BCAS3: variants seen among roughly 807,000 people sequenced by gnomAD.
BCAS3 encodes the protein BCAS4/BCAS3 fusion.
In BCAS3, 53 loss-of-function variants were observed where a neutral mutation model predicts 116.1. The ratio of observed to expected loss-of-function variants is 0.46; its 90% CI spans 0.37 to 0.57. BCAS3 has a LOEUF of 0.57. BCAS3 is among the 20% of genes least tolerant of loss of function. BCAS3 has a pLI of 0.00. For synonymous variants in BCAS3, 391 were observed against 408.2 expected (o/e 0.96, Z 0.51); for missense variants, 917 against 1,165.4 (o/e 0.79, Z 3.10).
intron 13 of BCAS3, among the ~76,000 whole-genome samples, chr17:60,929,523 T>C (rs1017119433): frequency 6.6e-6 from 1 of 152,170 alleles, no homozygotes; most frequent in African/African-American, 2.4e-5. Context: ...ATTGACGTTT[T>C]ATAAAAAGAT....
intron 12 of BCAS3, among the ~76,000 whole-genome samples, 178 bp from the exon 13 acceptor site, chr17:60,924,229 T>C (rs1397484526): frequency 1.3e-5 from 2 of 152,214 alleles, no homozygotes; most frequent in African/African-American, 4.8e-5. Flanking sequence ...CGTGGGGGCA[T>C]GTTATATCTC....
At chr17:61,317,421 G>A (rs903623682) in intron 22 of BCAS3, among the ~76,000 whole-genome samples, 1 of 152,184 alleles carries the variant, frequency 6.6e-6, no homozygotes, top group African/African-American at 2.4e-5. Flanking sequence ...TGGGAAACAA[G>A]CCTTTCCCAC....
At chr17:60,690,408 A>G (rs2143855705) in intron 4 of BCAS3, among the ~76,000 whole-genome samples, 1 of 152,060 alleles carries the variant, frequency 6.6e-6, no homozygotes, top group Non-Finnish European at 1.5e-5. Flanking sequence ...TGTCTCTACA[A>G]AAACTTAAAA....
chr17:61,203,972 C>T lies in BCAS3; in HGVS notation c.2425+119408C>T, dbSNP rs2080984112. On this transcript the variant is annotated intron_variant, in intron 22 of 23. Transcript: ENST00000407086. This position sits in a 1 kb window ranked among gnomAD's most constrained non-coding sequence, Gnocchi z 5.7. ...AAGCTGGGAGGCAGTGCCCGGCCCC[C>T]TTCTTTCACAGCTGGGGTTTTGGCA... Among the ~76,000 whole-genome samples, 1 of 152,190 alleles carries T rather than the reference C, an allele frequency of 6.6e-6. No homozygotes were observed. The highest frequency in any genetic ancestry group is 6.5e-5 in the Admixed American group (1 of 15,286).
Position 61,248,890 on chromosome 17 carries a change from T to C in BCAS3, c.2426-119437T>C, listed in dbSNP as rs2048168010. Among the ~76,000 whole-genome samples the C allele has an allele frequency of 6.6e-6, 1 of 152,242 alleles. No homozygotes were observed. Reference sequence around the variant, plus strand: ...GAAGTAGTATACTGTCAAATACTTATAAAACTTCCTTCTTCTTTGCTCTTA... The same window carrying C: ...GAAGTAGTATACTGTCAAATACTTACAAAACTTCCTTCTTCTTTGCTCTTA... On this transcript the variant is annotated intron_variant, in intron 22 of 23. Transcript: ENST00000407086. The surrounding 1 kb of genome is among the most constrained non-coding windows in gnomAD (Gnocchi z 4.3).
At chr17:61,232,111 A>G (rs541450991) in intron 22 of BCAS3, among the ~76,000 whole-genome samples, 1 of 144,444 alleles carries the variant, frequency 6.9e-6, no homozygotes, top group South Asian at 2.4e-4. Context: ...AGACTGAGGC[A>G]GGAGAATGGC....
chr17:60,849,770 CTTCT>C (rs965767017), intron 7 of BCAS3, among the ~76,000 whole-genome samples: 7 of 152,020 alleles, frequency 4.6e-5, no homozygotes, highest in Admixed American at 2.0e-4. Context: ...CCTCCTGTTC[CTTCT>C]TTCTTCTTGA....
At chr17:61,116,565 T>A (rs949648330) in intron 22 of BCAS3, among the ~76,000 whole-genome samples, 1 of 152,210 alleles carries the variant, frequency 6.6e-6, no homozygotes, top group African/African-American at 2.4e-5. Flanking sequence ...TATTTAACCA[T>A]GTTTTTGCTT....
In BCAS3 at chr17:61,226,785, C is replaced by T. The variant is rs1413069657; in HGVS notation, c.2426-141542C>T. ...CATGGGATATCTCATTTAATCCTCA[C>T]AGCAGCCATATGAGATTGCTGTTAC... On this transcript the variant is annotated intron_variant, in intron 22 of 23. Transcript: ENST00000407086. The surrounding 1 kb of genome is among the most constrained non-coding windows in gnomAD (Gnocchi z 6.0). 2.0e-5 allele frequency among the ~76,000 whole-genome samples: 3 copies of T among 152,202 alleles called. No homozygotes were observed. Among genetic ancestry groups the T allele is most frequent in the Non-Finnish European group, 4.4e-5 (3 of 68,044 alleles).
At chr17:60,743,349 A>G (rs1330066044) in intron 5 of BCAS3, among the ~76,000 whole-genome samples, 1 of 152,146 alleles carries the variant, frequency 6.6e-6, no homozygotes, top group Non-Finnish European at 1.5e-5. Context: ...AGTTGGGATT[A>G]TGACTGAAAA....
chr17:60,723,378 C>G (rs1479493642), intron 5 of BCAS3, among the ~76,000 whole-genome samples: 1 of 152,106 alleles, frequency 6.6e-6, no homozygotes, highest in African/African-American at 2.4e-5. Context: ...GCATGCACCA[C>G]CATGCCAAGG....
chr17:60,864,562 T>C (rs1269193338), intron 7 of BCAS3, among the ~76,000 whole-genome samples: 1 of 152,260 alleles, frequency 6.6e-6, no homozygotes, highest in African/African-American at 2.4e-5. Context: ...GTGTTTAGTT[T>C]AGTCTTCTAT....
intron 7 of BCAS3, among the ~76,000 whole-genome samples, chr17:60,853,941 T>C (rs1359340857): frequency 6.6e-6 from 1 of 152,184 alleles, no homozygotes; most frequent in Non-Finnish European, 1.5e-5. Flanking sequence ...AGGGTACATG[T>C]GCACAATGTG....
chr17:61,271,437 T>TTTTTTTTTTTTTTTTTTTG lies in BCAS3; in HGVS notation c.2426-96890_2426-96889insTTTTTTTTTTTTTTTTTTG, dbSNP rs2050251666. Among the ~76,000 whole-genome samples, 2 of 136,110 alleles carry TTTTTTTTTTTTTTTTTTTG rather than the reference T, an allele frequency of 1.5e-5. 1 individual carries two copies. The highest frequency in any genetic ancestry group is 5.1e-4 in the South Asian group (2 of 3,924). 89.3% of individuals were successfully genotyped at this position (136,110 alleles called of 152,430 possible). On this transcript the variant is annotated intron_variant, in intron 22 of 23. Coordinates refer to ENST00000407086, the MANE Select transcript of BCAS3 (RefSeq NM_017679.5). The stretch of plus-strand genomic sequence containing the variant: ...CACCATGCCCGGATTTTTTTTTTTT[T>TTTTTTTTTTTTTTTTTTTG]GTCTTAGGTGGAGTCTCGCTCTGTT...
intron 4 of BCAS3, among the ~76,000 whole-genome samples, chr17:60,706,443 A>G (rs1335142695): frequency 6.6e-6 from 1 of 151,304 alleles, no homozygotes; most frequent in African/African-American, 2.5e-5. Context: ...CAGTATATAA[A>G]ACATATACAA....
rs1033098088 is a variant in BCAS3 at position 61,136,654 on chromosome 17, G to A, written c.2425+52090G>A. Among the ~76,000 whole-genome samples the A allele has an allele frequency of 1.3e-5, 2 of 152,186 alleles. No homozygotes were observed. Among genetic ancestry groups the A allele is most frequent in the Non-Finnish European group, 2.9e-5 (2 of 68,018 alleles). ...AGCTCACTGCAACCTCTGCCTCCCA[G>A]GTTCAAGCAATTCTTATACCTCAGC... On this transcript the variant is annotated intron_variant, in intron 22 of 23. Coordinates refer to ENST00000407086, the MANE Select transcript of BCAS3 (RefSeq NM_017679.5). This position sits in a 1 kb window ranked among gnomAD's most constrained non-coding sequence, Gnocchi z 4.4.
In BCAS3 at chr17:61,259,412, A is replaced by T. The variant is rs1299039256; in HGVS notation, c.2426-108915A>T. Among the ~76,000 whole-genome samples, 3 of 152,144 alleles carry T rather than the reference A, an allele frequency of 2.0e-5. No individual in the cohort carries two copies. Among genetic ancestry groups the T allele is most frequent in the Non-Finnish European group, 4.4e-5 (3 of 68,036 alleles). On this transcript the variant is annotated intron_variant, in intron 22 of 23. Coordinates refer to ENST00000407086, the MANE Select transcript of BCAS3 (RefSeq NM_017679.5). This position sits in a 1 kb window ranked among gnomAD's most constrained non-coding sequence, Gnocchi z 4.7. ...CTTCTTGGAGTCCAGCTCTGACTTT[A>T]ATAGCACAGTAACTGCCAGTTCCTG...
intron 4 of BCAS3, among the ~76,000 whole-genome samples, chr17:60,704,601 G>A (rs1039853300): frequency 1.3e-5 from 2 of 152,086 alleles, no homozygotes; most frequent in African/African-American, 2.4e-5. Context: ...AGCACTTTGG[G>A]GGGCCGAGGT....
chr17:60,830,571 CT>C (rs1040797439), intron 7 of BCAS3, among the ~76,000 whole-genome samples: 9 of 152,048 alleles, frequency 5.9e-5, no homozygotes, highest in Non-Finnish European at 1.3e-4. Flanking sequence ...AAGGGCTATA[CT>C]TTTTTTCTTT....
Sources: allele counts gnomAD v4.1 joint callset (sites outside exome capture counted in the v4.1 genomes callset), GRCh38; gene constraint gnomAD v4.1.1; non-coding constraint Gnocchi (gnomAD v3.1); transcripts MANE v1.5; gene names NCBI Gene and HGNC (gene_info 2026-07-23, HGNC 2026-07-21).